Variants in WIPI1 observed in about 807,000 individuals in gnomAD.
WIPI1 encodes WD repeat domain, phosphoinositide interacting 1.
In WIPI1, 45 loss-of-function variants were observed where a neutral mutation model predicts 55.3. The ratio of observed to expected loss-of-function variants is 0.81; its 90% CI spans 0.64 to 1.04. WIPI1 has a LOEUF of 1.04. WIPI1 is among the 50% of genes least tolerant of loss of function. WIPI1 has a pLI of 0.00. For missense variants in WIPI1, 445 were observed against 559.0 expected (o/e 0.80, Z 2.06); for synonymous variants, 195 against 217.6 (o/e 0.90, Z 0.92).
chr17:68,433,684 G>A (rs183103522), intron 7 of WIPI1, 109 bp from the exon 8 acceptor site: 2 of 718,016 alleles, frequency 2.8e-6, no homozygotes, highest in Non-Finnish European at 4.6e-6. Flanking sequence ...GAAGAGCCTA[G>A]GTAGACCCAG....
intron 10 of WIPI1, 107 bp from the exon 11 acceptor site, chr17:68,427,360 T>A (rs970819694): frequency 4.8e-6 from 4 of 834,954 alleles, no homozygotes; most frequent in Non-Finnish European, 5.7e-6. Context: ...CTCTGTGGGT[T>A]ATTTATTTAT....
In WIPI1 at chr17:68,429,017, C is replaced by G. The variant is rs555121225; in HGVS notation, c.966-81G>C. ...GCTTCCAATGACAAAGCCCCCCTCA[C>G]CCTAGCTGTCACCAGATTCTGCCTT... On this transcript the variant is annotated intron_variant, in intron 9 of 12. Coordinates refer to ENST00000262139, the MANE Select transcript of WIPI1 (RefSeq NM_017983.7). 1.4e-4 allele frequency: 149 copies of G among 1,040,886 alleles called. No individual in the cohort carries two copies. In the African/African-American group the frequency reaches 2.0e-3, roughly 14 times the overall value. The allele number at this position is 1,040,886 out of a possible 1,614,324, so 64.5% of individuals were successfully genotyped here. A position where few individuals can be genotyped will look rare whatever the true frequency, so the allele number is the denominator to read the frequency against.
chr17:68,429,273 G>C (rs2083402220), intron 9 of WIPI1, among the ~76,000 whole-genome samples: 1 of 152,228 alleles, frequency 6.6e-6, no homozygotes, highest in Non-Finnish European at 1.5e-5. Context: ...AACCAAGACA[G>C]AAAGGGGGTA....
chr17:68,436,993 CAAA>C (rs139267277), intron 4 of WIPI1, among the ~76,000 whole-genome samples: 4 of 124,670 alleles, frequency 3.2e-5, no homozygotes, highest in African/African-American at 2.8e-5. Flanking sequence ...GACCCCGTCT[CAAA>C]AAAAAAAAAA....
At chr17:68,427,309 G>A in intron 10 of WIPI1, 56 bp from the exon 11 acceptor site, 3 of 1,323,880 alleles carry the variant, frequency 2.3e-6, no homozygotes, top group Non-Finnish European at 3.2e-6. Context: ...ATATATCTAG[G>A]ACACCTTCCA....
At chr17:68,455,263 T>C (rs1287233297) in intron 1 of WIPI1, among the ~76,000 whole-genome samples, 1 of 149,420 alleles carries the variant, frequency 6.7e-6, no homozygotes, top group African/African-American at 2.5e-5. Flanking sequence ...CTTGAGAGGC[T>C]GAGACAGGAG....
intron 2 of WIPI1, among the ~76,000 whole-genome samples, chr17:68,452,069 G>A (rs1012840684): frequency 3.3e-5 from 5 of 152,082 alleles, no homozygotes; most frequent in African/African-American, 7.2e-5. Context: ...TATATTGTTC[G>A]CTATTATGAT....
Position 68,450,691 on chromosome 17 carries a change from C to G in WIPI1, c.333+37G>C, listed in dbSNP as rs375567272. The G allele has an allele frequency of 3.8e-6, 6 of 1,571,736 alleles. No homozygotes were observed. The African/African-American group carries it at 8.2e-5, about 22-fold the overall frequency. On this transcript the variant is annotated intron_variant, in intron 3 of 12. Transcript: ENST00000262139. ...CATCTTTTTGTTTGGCTCCCGTTAG[C>G]AGAAGCTTTGAAACCCTGAGGGATT...
intron 10 of WIPI1, among the ~76,000 whole-genome samples, chr17:68,427,901 C>CT (rs1303761861): frequency 6.6e-6 from 1 of 151,734 alleles, no homozygotes; most frequent in African/African-American, 2.4e-5. Context: ...GTTTTCTTTT[C>CT]TTTTTTGAGA....
intron 10 of WIPI1, chr17:68,428,607 T>A: frequency 2.0e-6 from 1 of 491,454 alleles, no homozygotes; most frequent in South Asian, 2.1e-5. Context: ...GAGACCATCT[T>A]GTGTGTTATT....
chr17:68,432,729 G>A (rs902784998), intron 8 of WIPI1, among the ~76,000 whole-genome samples: 10 of 152,166 alleles, frequency 6.6e-5, no homozygotes, highest in African/African-American at 2.4e-4. Flanking sequence ...AGATACAGTA[G>A]GCTTTCTGTC....
chr17:68,427,072 C>T lies in WIPI1; in HGVS notation c.1192+63G>A, dbSNP rs182215874. 28 of 1,370,456 alleles carry T rather than the reference C, an allele frequency of 2.0e-5. No individual in the cohort carries two copies. In the African/African-American group the frequency reaches 2.9e-4, roughly 14 times the overall value. The allele number at this position is 1,370,456 out of a possible 1,614,324, so 84.9% of individuals were successfully genotyped here. On this transcript the variant is annotated intron_variant, in intron 11 of 12. Coordinates refer to ENST00000262139, the MANE Select transcript of WIPI1 (RefSeq NM_017983.7). ...TGAAGGGGGAAGGGGAGGGAGCGTG[C>T]AGGGAGAAGGGGAGGGAGGTCACTG...
intron 9 of WIPI1, among the ~76,000 whole-genome samples, chr17:68,429,187 C>T (rs2287298): frequency 0.068 from 10,279 of 152,136 alleles, 495 homozygotes; most frequent in East Asian, 0.17. Flanking sequence ...TGCGACCCTG[C>T]GAGAAGCAAT....
chr17:68,430,085 G>C lies in WIPI1; in HGVS notation c.876C>G (p.Thr292=), dbSNP rs2083442567. ...MFMAATNYLP[T]QVSDMMHQDR... ...CCTGATGCATCATGTCTGACACCTG[G>C]GTAGGGAGGTAGTTGGTAGCAGCCA... The change falls in exon 9 of 13, where the codon ACC becomes ACG. Residue 292 remains threonine (T), a synonymous_variant. Coordinates refer to ENST00000262139, the MANE Select transcript of WIPI1 (RefSeq NM_017983.7). The C allele has an allele frequency of 6.2e-7, 1 of 1,614,036 alleles. No individual in the cohort carries two copies. Among genetic ancestry groups the C allele is most frequent in the African/African-American group, 1.3e-5 (1 of 74,904 alleles).
At chr17:68,453,694 G>C (rs907662138) in intron 1 of WIPI1, among the ~76,000 whole-genome samples, 1 of 152,042 alleles carries the variant, frequency 6.6e-6, no homozygotes, top group African/African-American at 2.4e-5. Context: ...GACTAGGCTG[G>C]TCTTGAACTC....
rs529603852 is a variant in WIPI1 at position 68,437,387 on chromosome 17, T to G, written c.431-908A>C. Among the ~76,000 whole-genome samples the G allele has an allele frequency of 4.1e-4, 62 of 152,080 alleles. 1 individual carries two copies. Among genetic ancestry groups the G allele is most frequent in the African/African-American group, 1.4e-3 (59 of 41,512 alleles). ...CTGGCCAACATAGTGAAACCCTGTC[T>G]CTATTAAAAATACAAAAATTAGTCA... On this transcript the variant is annotated intron_variant, in intron 4 of 12. Transcript: ENST00000262139.
At chr17:68,451,396 T>G (rs1267724422) in intron 2 of WIPI1, among the ~76,000 whole-genome samples, 2 of 152,094 alleles carry the variant, frequency 1.3e-5, no homozygotes, top group Non-Finnish European at 2.9e-5. Context: ...ATCACAACAC[T>G]GCACTCCAGC....
At position 68,426,251 on chromosome 17, in the gene WIPI1, G is replaced by GGGGGGA; in HGVS notation, c.1193-77_1193-76insTCCCCC. The GGGGGGA allele has an allele frequency of 6.1e-6, 5 of 825,456 alleles. 2 individuals are homozygous for GGGGGGA. Among genetic ancestry groups the GGGGGGA allele is most frequent in the Non-Finnish European group, 3.8e-6 (2 of 521,074 alleles). The allele number at this position is 825,456 out of a possible 1,614,324, so 51.1% of individuals were successfully genotyped here. A position where few individuals can be genotyped will look rare whatever the true frequency, so the allele number is the denominator to read the frequency against. On this transcript the variant is annotated intron_variant, in intron 11 of 12. Coordinates refer to ENST00000262139, the MANE Select transcript of WIPI1 (RefSeq NM_017983.7). ...GCCATGACCTGGCGGGTGGGGAGCG[G>GGGGGGA]GGGCTCAAATAAAGGGCAAAGGAAG... is the stretch of plus-strand genomic sequence containing the variant.
At chr17:68,438,792 G>C (rs573301681) in intron 4 of WIPI1, among the ~76,000 whole-genome samples, 11 of 152,088 alleles carry the variant, frequency 7.2e-5, no homozygotes, top group Non-Finnish European at 1.6e-4. Flanking sequence ...GTAGAGACAG[G>C]GTTTCACCAT....
Sources: gnomAD v4.1 joint callset for allele counts (sites outside exome capture counted in the v4.1 genomes callset) on GRCh38, gnomAD v4.1.1 for gene constraint, MANE v1.5 for transcripts, NCBI Gene and HGNC (gene_info 2026-07-23, HGNC 2026-07-21) for gene names.